Variants in MDGA2 observed in about 807,000 individuals in gnomAD.
MDGA2 encodes MAM domain-containing glycosylphosphatidylinositol anchor protein 2.
Under a neutral mutation model 117.8 loss-of-function variants are expected in MDGA2, and 40 were observed. That is an observed-to-expected ratio of 0.34 (90% CI 0.26 to 0.44). MDGA2 has a LOEUF of 0.44. MDGA2 is among the 20% of genes least tolerant of loss of function. The pLI, the probability that MDGA2 is intolerant of heterozygous loss-of-function variation, is 1.00. For missense variants in MDGA2, 1,123 were observed against 1,250.6 expected (o/e 0.90, Z 1.54); for synonymous variants, 452 against 439.0 (o/e 1.03, Z -0.37).
chr14:47,538,354 A>T (rs552695440), intron 1 of MDGA2, among the ~76,000 whole-genome samples: 1 of 152,270 alleles, frequency 6.6e-6, no homozygotes, highest in South Asian at 2.1e-4. Flanking sequence ...GCATAATTTC[A>T]TGAGTGTTAA....
At chr14:47,184,535 T>G (rs1266067422) in intron 3 of MDGA2, among the ~76,000 whole-genome samples, 1 of 151,912 alleles carries the variant, frequency 6.6e-6, no homozygotes, top group Non-Finnish European at 1.5e-5. Flanking sequence ...CTTACGCTAT[T>G]TCATCACCTA....
At chr14:47,284,723 GT>G (rs575313757) in intron 2 of MDGA2, among the ~76,000 whole-genome samples, 58 of 152,150 alleles carry the variant, frequency 3.8e-4, no homozygotes, top group African/African-American at 1.3e-3. Flanking sequence ...TTATGAACTT[GT>G]AAAATGAATA....
chr14:47,012,899 A>C (rs1887945033), intron 8 of MDGA2, among the ~76,000 whole-genome samples: 2 of 152,128 alleles, frequency 1.3e-5, no homozygotes, highest in African/African-American at 4.8e-5. Context: ...TACAGCATTG[A>C]GTCTAAAAAA....
intron 1 of MDGA2, among the ~76,000 whole-genome samples, chr14:47,442,464 G>A (rs896695762): frequency 6.6e-6 from 1 of 152,130 alleles, no homozygotes; most frequent in Non-Finnish European, 1.5e-5. Context: ...CTTAGTCAGA[G>A]GAGGCTGGTG....
chr14:47,145,279 G>C (rs952503502), intron 3 of MDGA2, among the ~76,000 whole-genome samples: 8 of 152,100 alleles, frequency 5.3e-5, no homozygotes, highest in African/African-American at 1.9e-4. Flanking sequence ...TGATTCAAAT[G>C]ATTGTTTCAA....
At chr14:47,286,971 T>A (rs1163294456) in intron 2 of MDGA2, among the ~76,000 whole-genome samples, 1 of 151,716 alleles carries the variant, frequency 6.6e-6, no homozygotes, top group African/African-American at 2.4e-5. Flanking sequence ...AATTCTACGA[T>A]AATCATTATT....
At chr14:47,180,064 T>C (rs1035940025) in intron 3 of MDGA2, among the ~76,000 whole-genome samples, 17 of 152,152 alleles carry the variant, frequency 1.1e-4, no homozygotes, top group Non-Finnish European at 2.9e-5. Context: ...GGAGTAAAGA[T>C]GCAGGTTTGT....
chr14:47,224,637 A>G (rs1042330341), intron 2 of MDGA2, among the ~76,000 whole-genome samples: 1 of 152,280 alleles, frequency 6.6e-6, no homozygotes, highest in East Asian at 1.9e-4. Context: ...CTGAAGGAAG[A>G]TCCTTTAGCA....
intron 14 of MDGA2, among the ~76,000 whole-genome samples, chr14:46,864,196 TAGAAATATTGTATGCATTGATGTGAGG>T: frequency 6.6e-6 from 1 of 150,826 alleles, no homozygotes; most frequent in Non-Finnish European, 1.5e-5. Flanking sequence ...TTTGGAATGG[TAGAAATATTGTATGCATTGATGTGAGG>T]GTGGTTAAAT....
At chr14:47,243,101 T>C (rs1267664914) in intron 2 of MDGA2, among the ~76,000 whole-genome samples, 1 of 151,686 alleles carries the variant, frequency 6.6e-6, no homozygotes, top group Non-Finnish European at 1.5e-5. Flanking sequence ...ACTCTGTATC[T>C]AGCTCAAGGT....
chr14:47,276,326 T>G (rs1888311025), intron 2 of MDGA2, among the ~76,000 whole-genome samples: 1 of 152,134 alleles, frequency 6.6e-6, no homozygotes, highest in South Asian at 2.1e-4. Context: ...TGCTACTATT[T>G]AGCCGTAATC....
intron 8 of MDGA2, among the ~76,000 whole-genome samples, chr14:46,961,642 G>T (rs894468134): frequency 1.3e-5 from 2 of 148,248 alleles, no homozygotes; most frequent in Non-Finnish European, 3.0e-5. Flanking sequence ...TATACTGCCT[G>T]ATAATTTTTT....
intron 1 of MDGA2, among the ~76,000 whole-genome samples, chr14:47,509,768 G>A (rs1443754401): frequency 1.3e-5 from 2 of 152,174 alleles, no homozygotes; most frequent in African/African-American, 2.4e-5. Flanking sequence ...GACAGGAAAT[G>A]TCTATCTTAT....
At chr14:47,356,005 T>C (rs903903458) in intron 1 of MDGA2, among the ~76,000 whole-genome samples, 2 of 152,152 alleles carry the variant, frequency 1.3e-5, no homozygotes, top group African/African-American at 4.8e-5. Flanking sequence ...AGACTGGGTA[T>C]ACATCAAGAA....
intron 1 of MDGA2, among the ~76,000 whole-genome samples, chr14:47,526,412 G>T (rs932547627): frequency 2.6e-5 from 4 of 152,026 alleles, no homozygotes; most frequent in Non-Finnish European, 5.9e-5. Context: ...GATTTGTTAG[G>T]GATGGTGTTT....
At chr14:47,607,663 G>C (rs1896765821) in intron 1 of MDGA2, among the ~76,000 whole-genome samples, 1 of 152,170 alleles carries the variant, frequency 6.6e-6, no homozygotes, top group African/African-American at 2.4e-5. Flanking sequence ...AGGGTAGTGA[G>C]GTCATCAGAT....
intron 9 of MDGA2, among the ~76,000 whole-genome samples, chr14:46,934,359 ATC>A (rs929141179): frequency 6.6e-6 from 1 of 152,114 alleles, no homozygotes; most frequent in African/African-American, 2.4e-5. Context: ...TGAAAATGGT[ATC>A]TCAGTTTTAT....
At position 47,675,594 on chromosome 14, in the gene MDGA2, G is replaced by A. The variant is rs1037565814; in HGVS notation, c.-798C>T. Among the ~76,000 whole-genome samples the A allele has an allele frequency of 8.5e-5, 13 of 152,192 alleles. No individual in the cohort carries two copies. Among genetic ancestry groups the A allele is most frequent in the Non-Finnish European group, 1.5e-4 (10 of 68,046 alleles). On this transcript the variant is annotated 5_prime_UTR_variant, in exon 1 of 17. Transcript: ENST00000399232. ...AGAGTCCAGGCACCGCCACTTGCAA[G>A]AGAGGGAGAATGCCAGGCAAATACC... is the stretch of plus-strand genomic sequence containing the variant.
At chr14:47,607,063 G>A (rs1384949632) in intron 1 of MDGA2, among the ~76,000 whole-genome samples, 2 of 151,998 alleles carry the variant, frequency 1.3e-5, no homozygotes, top group Admixed American at 1.3e-4. Context: ...AGATTATTTG[G>A]TCAATGACTA....
Sources: gnomAD v4.1 joint callset for allele counts (sites outside exome capture counted in the v4.1 genomes callset) on GRCh38, gnomAD v4.1.1 for gene constraint, MANE v1.5 for transcripts, NCBI Gene and HGNC (gene_info 2026-07-23, HGNC 2026-07-21) for gene names.